GALNTL6: variants seen among roughly 807,000 people sequenced by gnomAD.
GALNTL6 encodes the protein polypeptide N-acetylgalactosaminyltransferase like 6, also known as polypeptide N-acetylgalactosaminyltransferase-like 6.
GALNTL6 carries 46 observed loss-of-function variants against 73.7 expected under a neutral mutation model. That is an observed-to-expected ratio of 0.62 (90% CI 0.49 to 0.80). The LOEUF is 0.80. Among genes scored for constraint, GALNTL6 ranks in the 30% least tolerant of loss-of-function variants. The pLI, the probability that GALNTL6 is intolerant of heterozygous loss-of-function variation, is 0.00. For synonymous variants in GALNTL6, 259 were observed against 263.7 expected, an observed-to-expected ratio of 0.98 and a Z score of 0.17; for missense variants, 604 against 755.0, an observed-to-expected ratio of 0.80 and a Z score of 2.34.
chr4:172,372,105 A>C (rs1372917600), intron 5 of GALNTL6, among the ~76,000 whole-genome samples: 1 of 152,222 alleles, frequency 6.6e-6, no homozygotes, highest in African/African-American at 2.4e-5. Flanking sequence ...GTATGGTTAC[A>C]TCACTAACTA....
At position 172,308,003 on chromosome 4, in the gene GALNTL6, C is replaced by CTTTTTTTTTTTTTTTTTT. The variant is rs70941399; in HGVS notation, c.248-3598_248-3581dup. On this transcript the variant is annotated intron_variant, in intron 3 of 12. Transcript: ENST00000506823. ...TCCATGAGCATGGGATGTGTTTTAA[C>CTTTTTTTTTTTTTTTTTT]TTTTTTTTTTTTTTTTTTTTTTTTT... 9.3e-4 allele frequency among the ~76,000 whole-genome samples: 32 copies of CTTTTTTTTTTTTTTTTTT among 34,586 alleles called. 4 individuals are homozygous for CTTTTTTTTTTTTTTTTTT. Among genetic ancestry groups the CTTTTTTTTTTTTTTTTTT allele is most frequent in the Non-Finnish European group, 1.3e-3 (27 of 20,018 alleles). 22.7% of individuals were successfully genotyped at this position (34,586 alleles called of 152,430 possible). A position where few individuals can be genotyped will look rare whatever the true frequency, so the allele number is the denominator to read the frequency against.
intron 2 of GALNTL6, among the ~76,000 whole-genome samples, chr4:171,918,203 A>G (rs1737682227): frequency 6.6e-6 from 1 of 152,106 alleles, no homozygotes; most frequent in Non-Finnish European, 1.5e-5. Flanking sequence ...TTTGGGATAA[A>G]ACAAAATATA....
At chr4:172,856,721 A>G (rs772299481) in intron 7 of GALNTL6, among the ~76,000 whole-genome samples, 30 of 152,370 alleles carry the variant, frequency 2.0e-4, no homozygotes, top group Admixed American at 3.9e-4. Context: ...CAACCTCATC[A>G]GCTTTCAGCT....
intron 5 of GALNTL6, among the ~76,000 whole-genome samples, chr4:172,771,269 C>G (rs1350382279): frequency 6.6e-6 from 1 of 152,112 alleles, no homozygotes; most frequent in Non-Finnish European, 1.5e-5. Flanking sequence ...CAACAAATAG[C>G]AGTTGTTTTC....
At chr4:172,522,233 A>G (rs1314790127) in intron 5 of GALNTL6, among the ~76,000 whole-genome samples, 2 of 152,222 alleles carry the variant, frequency 1.3e-5, no homozygotes, top group African/African-American at 2.4e-5. Context: ...AGTGAATTAT[A>G]TAAGAATTAC....
At chr4:172,653,060 C>G (rs1740549879) in intron 5 of GALNTL6, among the ~76,000 whole-genome samples, 1 of 151,960 alleles carries the variant, frequency 6.6e-6, no homozygotes, top group Admixed American at 6.6e-5. Context: ...CATCAAAGAT[C>G]AAAATGTGCT....
chr4:172,596,123 T>A (rs1395069751), intron 5 of GALNTL6, among the ~76,000 whole-genome samples: 2 of 152,256 alleles, frequency 1.3e-5, no homozygotes, highest in East Asian at 3.9e-4. Flanking sequence ...TCCTGGATGA[T>A]GCTATTTAAG....
chr4:172,669,227 T>C (rs1731838002), intron 5 of GALNTL6: 1 of 152,204 alleles, frequency 6.6e-6, no homozygotes, highest in Non-Finnish European at 1.5e-5. Flanking sequence ...CTCTATATCA[T>C]TTAACCTCTG....
intron 2 of GALNTL6, among the ~76,000 whole-genome samples, chr4:172,164,576 A>G (rs999176861): frequency 6.6e-6 from 1 of 152,032 alleles, no homozygotes; most frequent in Non-Finnish European, 1.5e-5. Flanking sequence ...CAATACAAAT[A>G]TGGAGCATTA....
chr4:171,842,014 A>G (rs2110844560), intron 2 of GALNTL6, among the ~76,000 whole-genome samples: 1 of 152,184 alleles, frequency 6.6e-6, no homozygotes, highest in Admixed American at 6.6e-5. Flanking sequence ...ATTTATGCAA[A>G]CATCACTGGC....
chr4:172,076,556 A>C (rs1478783878), intron 2 of GALNTL6, among the ~76,000 whole-genome samples: 1 of 152,240 alleles, frequency 6.6e-6, no homozygotes, highest in Admixed American at 6.5e-5. Flanking sequence ...TGTATTGCAG[A>C]AAATCGCCAC....
intron 6 of GALNTL6, among the ~76,000 whole-genome samples, chr4:172,812,447 T>C (rs750946905): frequency 6.6e-6 from 1 of 152,222 alleles, no homozygotes; most frequent in African/African-American, 2.4e-5. Flanking sequence ...AGCATTGGTC[T>C]CTTACAATAA....
intron 3 of GALNTL6, among the ~76,000 whole-genome samples, chr4:172,247,368 C>T (rs1300020847): frequency 5.3e-5 from 8 of 152,124 alleles, no homozygotes; most frequent in Admixed American, 2.0e-4. Context: ...TTCTTAGAGA[C>T]GTGGGAGAAT....
intron 7 of GALNTL6, among the ~76,000 whole-genome samples, chr4:172,826,349 C>T (rs997382105): frequency 1.3e-5 from 2 of 152,232 alleles, no homozygotes; most frequent in African/African-American, 4.8e-5. Flanking sequence ...CTGTAGCCCA[C>T]AGCCCACACC....
chr4:171,986,079 T>C (rs934347447), intron 2 of GALNTL6, among the ~76,000 whole-genome samples: 2 of 140,522 alleles, frequency 1.4e-5, no homozygotes, highest in Non-Finnish European at 3.1e-5. Flanking sequence ...AATTGGAAAA[T>C]TGGTATCTTT....
chr4:172,287,011 T>G (rs1739280253), intron 3 of GALNTL6, among the ~76,000 whole-genome samples: 1 of 152,172 alleles, frequency 6.6e-6, no homozygotes, highest in Non-Finnish European at 1.5e-5. Context: ...GCCAGGGCTC[T>G]GCTCATGAGT....
intron 5 of GALNTL6, among the ~76,000 whole-genome samples, chr4:172,461,433 G>T (rs1472012162): frequency 6.6e-6 from 1 of 152,160 alleles, no homozygotes; most frequent in Non-Finnish European, 1.5e-5. Context: ...AAAATGTGCA[G>T]CTCAGGCAGG....
rs535219438 is a variant in GALNTL6 at position 172,896,185 on chromosome 4, A to G, written c.1041+13278A>G. Among the ~76,000 whole-genome samples, 3 of 152,300 alleles carry G rather than the reference A, an allele frequency of 2.0e-5. No individual in the cohort carries two copies. The East Asian group carries it at 5.8e-4, about 29-fold the overall frequency. ...CTTCATCTTCTTGATGCTTGTGGATATGGAACAATGTCTACACATTGAGGG... is the reference window on the plus strand; with the variant it reads ...CTTCATCTTCTTGATGCTTGTGGATGTGGAACAATGTCTACACATTGAGGG... On this transcript the variant is annotated intron_variant, in intron 8 of 12. Coordinates refer to ENST00000506823, the MANE Select transcript of GALNTL6 (RefSeq NM_001034845.3).
At chr4:172,824,051 T>C (rs1742090391) in intron 7 of GALNTL6, among the ~76,000 whole-genome samples, 1 of 152,170 alleles carries the variant, frequency 6.6e-6, no homozygotes, top group African/African-American at 2.4e-5. Flanking sequence ...GTGGGCTTGT[T>C]GGCGAGTATA....
Sources: allele counts gnomAD v4.1 joint callset (sites outside exome capture counted in the v4.1 genomes callset), GRCh38; gene constraint gnomAD v4.1.1; transcripts MANE v1.5; gene names NCBI Gene and HGNC (gene_info 2026-07-23, HGNC 2026-07-21).